DDHD2: variants seen among roughly 807,000 people sequenced by gnomAD.
DDHD2 encodes the protein DDHD domain containing 2.
In DDHD2, 62 loss-of-function variants were observed where a neutral mutation model predicts 91.2. The observed-to-expected ratio is 0.68, with a 90% CI of 0.55 to 0.84. DDHD2 has a LOEUF of 0.84. DDHD2 is among the 40% of genes least tolerant of loss of function. The probability of loss-of-function intolerance (pLI) is 0.00; values close to 1 mark genes in which losing one functional copy is unlikely to be tolerated. For missense variants in DDHD2, 740 were observed against 846.9 expected, an observed-to-expected ratio of 0.87 and a Z score of 1.57; for synonymous variants, 271 against 293.9, an observed-to-expected ratio of 0.92 and a Z score of 0.80.
downstream of DDHD2, chr8:38,267,006 A>C (rs1807717828): frequency 7.4e-7 from 1 of 1,351,972 alleles, no homozygotes; most frequent in Non-Finnish European, 9.5e-7. Context: ...TTTTATTGCT[A>C]GTACAAGATT....
rs1805947250 is a variant in DDHD2 at position 38,249,642 on chromosome 8, C to T, written c.1249-66C>T. Reference sequence around the variant, plus strand: ...GCAACAGAGTGCCTAGGCCTTGTTCCTCTTAGGGGACAGGATTGATTTTAT... The same window carrying T: ...GCAACAGAGTGCCTAGGCCTTGTTCTTCTTAGGGGACAGGATTGATTTTAT... On this transcript the variant is annotated intron_variant, in intron 10 of 17. Transcript: ENST00000397166. 2.6e-6 allele frequency: 3 copies of T among 1,155,518 alleles called. No homozygotes were observed. The Admixed American group carries it at 6.5e-5, about 25-fold the overall frequency. 71.6% of individuals were successfully genotyped at this position (1,155,518 alleles called of 1,614,324 possible).
In DDHD2 at chr8:38,240,273, AG is replaced by A. The variant is rs1208188189; in HGVS notation, c.623del. 4 of 1,588,978 alleles carry A rather than the reference AG, an allele frequency of 2.5e-6. No homozygotes were observed. Among genetic ancestry groups the A allele is most frequent in the Non-Finnish European group, 3.4e-6 (4 of 1,159,712 alleles). ...TAATTTTCTTTTTAATTTCATTTAT[AG>A]GAGAACCTTTACAAATAGATCACTT... On this transcript the variant is annotated splice_acceptor_variant, in intron 5 of 17. Coordinates refer to ENST00000397166, the MANE Select transcript of DDHD2 (RefSeq NM_015214.3). LOFTEE classifies it high-confidence loss of function.
In DDHD2 at chr8:38,270,504, ATTATC is replaced by A. The variant is rs1021160034; in HGVS notation, n.88-614_88-610del. 11 of 152,344 alleles carry A rather than the reference ATTATC, an allele frequency of 7.2e-5. No individual in the cohort carries two copies. The South Asian group carries it at 1.7e-3, about 23-fold the overall frequency. The allele number at this position is 152,344 out of a possible 1,614,324, so 9.4% of individuals were successfully genotyped here. A position where few individuals can be genotyped will look rare whatever the true frequency, so the allele number is the denominator to read the frequency against. On this transcript the variant is annotated intron_variant and non_coding_transcript_variant, in intron 1 of 1. Transcript: ENST00000526071. ...CATCTTGATTATTAGTGGCAATATA[ATTATC>A]TTAACATAGGGCATGTAACAGGACA...
At chr8:38,256,650 T>TA (rs1282913514) in intron 16 of DDHD2, among the ~76,000 whole-genome samples, 23 of 152,188 alleles carry the variant, frequency 1.5e-4, no homozygotes, top group African/African-American at 5.5e-4. Context: ...TATTGCTGAG[T>TA]AGTATTCCAT....
downstream of DDHD2, chr8:38,273,309 C>T (rs1251178375): frequency 6.6e-6 from 1 of 152,128 alleles, no homozygotes; most frequent in Non-Finnish European, 1.5e-5. Flanking sequence ...ATTTTGTTTT[C>T]TACTCTGATT....
downstream of DDHD2, chr8:38,267,252 A>G (rs774616743): frequency 7.4e-6 from 12 of 1,613,760 alleles, no homozygotes; most frequent in East Asian, 2.5e-4. Flanking sequence ...GGTAGAGTCC[A>G]TATGATATTC....
chr8:38,246,138 C>A, intron 8 of DDHD2, 95 bp from the exon 9 acceptor site: 1 of 1,113,666 alleles, frequency 9.0e-7, no homozygotes, highest in Non-Finnish European at 1.4e-6. Flanking sequence ...TATAGATTTG[C>A]TTACATATGT....
rs1377846145 is a variant in DDHD2 at position 38,247,703 on chromosome 8, T to G, written c.1126-10T>G. ...TTTCAAGAATATGAGCTTTATAATTTAATTTTTAGGATTCGCTAAATATTG... is the reference window on the plus strand; with the variant it reads ...TTTCAAGAATATGAGCTTTATAATTGAATTTTTAGGATTCGCTAAATATTG... On this transcript the variant is annotated splice_polypyrimidine_tract_variant and intron_variant, in intron 9 of 17. Coordinates refer to ENST00000397166, the MANE Select transcript of DDHD2 (RefSeq NM_015214.3). 6.8e-7 allele frequency: 1 copy of G among 1,475,970 alleles called. No homozygotes were observed. The highest frequency in any genetic ancestry group is 1.4e-5 in the African/African-American group (1 of 69,262). 91.4% of individuals were successfully genotyped at this position (1,475,970 alleles called of 1,614,324 possible).
Position 38,252,735 on chromosome 8 carries a change from C to T in DDHD2, c.1631C>T (p.Ala544Val), listed in dbSNP as rs1321537746. 5 of 1,612,994 alleles carry T rather than the reference C, an allele frequency of 3.1e-6. No individual in the cohort carries two copies. Among genetic ancestry groups the T allele is most frequent in the Non-Finnish European group, 4.2e-6 (5 of 1,179,290 alleles). The change falls in exon 14 of 18, where the codon GCC becomes GTC. Residue 544 changes from alanine (A) to valine (V), a missense_variant. By Grantham distance (64) the Ala-to-Val change is moderately conservative. Coordinates refer to ENST00000397166, the MANE Select transcript of DDHD2 (RefSeq NM_015214.3). Reference protein sequence around the residue: ...FNIYHPFDPVAYRIEPMVVPG... With the variant: ...FNIYHPFDPVVYRIEPMVVPG... ...TTTCCTATGTAGTTTGATCCTGTGG[C>T]CTATAGGATTGAACCAATGGTGGTC...
rs755011787 is a variant in DDHD2, at chr8:38,252,799, T to C, written c.1695T>C (p.His565=). 3.7e-6 allele frequency: 6 copies of C among 1,614,024 alleles called. No individual in the cohort carries two copies. In the South Asian group the frequency reaches 6.6e-5, roughly 18 times the overall value. Residue 565 remains histidine, a synonymous_variant, in exon 14 of 18, where the codon CAT becomes CAC. Transcript: ENST00000397166. The part of the protein sequence containing the change: ...VEFEPMLIPH[H]KGRKRMHLEL... The stretch of plus-strand genomic sequence containing the variant: ...TTGAGCCAATGCTGATCCCACATCA[T>C]AAAGGCAGGAAGCGGATGCACTTAG...
chr8:38,268,708 C>T, intron 1 of DDHD2: 1 of 1,432,096 alleles, frequency 7.0e-7, no homozygotes, highest in Non-Finnish European at 9.1e-7. Context: ...GCTCGGACAC[C>T]CTCCTCTCTC....
At chr8:38,267,717 G>GAAAA, downstream of DDHD2, 1 of 686,754 alleles carries the variant, frequency 1.5e-6, no homozygotes, top group Non-Finnish European at 2.4e-6. Flanking sequence ...AAAGAGCCCA[G>GAAAA]GTGTCACCTG....
At chr8:38,263,994 G>A, downstream of DDHD2, 2 of 986,010 alleles carry the variant, frequency 2.0e-6, no homozygotes, top group South Asian at 9.4e-5. Flanking sequence ...AGATAGATGA[G>A]CAGGGGCAAA....
chr8:38,249,835 C>G, intron 11 of DDHD2, 32 bp downstream of exon 11: 2 of 1,433,342 alleles, frequency 1.4e-6, no homozygotes, highest in East Asian at 2.3e-5. Context: ...TTGGACTAAA[C>G]AATTCTTTGA....
chr8:38,246,033 G>T, intron 8 of DDHD2, 83 bp downstream of exon 8: 1 of 1,411,142 alleles, frequency 7.1e-7, no homozygotes, highest in Non-Finnish European at 9.9e-7. Flanking sequence ...TCTTTTATCA[G>T]TATGAAATTC....
chr8:38,264,492 T>C (rs1807285142), downstream of DDHD2: 2 of 1,554,050 alleles, frequency 1.3e-6, no homozygotes, highest in Non-Finnish European at 1.7e-6. Flanking sequence ...CAGTGGAAAG[T>C]ACAAGTTTGT....
chr8:38,260,225 C>A, intron 17 of DDHD2, 78 bp downstream of exon 17: 1 of 762,488 alleles, frequency 1.3e-6, no homozygotes, highest in East Asian at 2.7e-5. Context: ...GCCTCAAGCT[C>A]TTTTTAAATA....
At chr8:38,267,761 G>C, downstream of DDHD2, 1 of 946,032 alleles carries the variant, frequency 1.1e-6, no homozygotes, top group Non-Finnish European at 1.6e-6. Context: ...AGTAAGCGTT[G>C]AATGACAAAA....
At chr8:38,264,183 TG>T, downstream of DDHD2, 1 of 1,034,942 alleles carries the variant, frequency 9.7e-7, no homozygotes, top group Non-Finnish European at 1.2e-6. Flanking sequence ...GGTCTCACTC[TG>T]TTGCCTAGGC....
Sources: gnomAD v4.1 joint callset for allele counts (sites outside exome capture counted in the v4.1 genomes callset) on GRCh38, gnomAD v4.1.1 for gene constraint, MANE v1.5 for transcripts, NCBI Gene and HGNC (gene_info 2026-07-23, HGNC 2026-07-21) for gene names.